The following ITPR3 variants were observed in gnomAD, a reference collection of about 807,000 sequenced individuals.
ITPR3 encodes the protein inositol 1,4,5-trisphosphate-gated calcium channel ITPR3.
A neutral mutation model predicts 293.2 loss-of-function variants in ITPR3; 173 were observed. The ratio of observed to expected loss-of-function variants is 0.59; its 90% CI spans 0.52 to 0.67. The LOEUF (loss-of-function observed/expected upper bound fraction) is 0.67, where lower values mean the gene tolerates loss of function less well. Among genes scored for constraint, ITPR3 ranks in the 30% least tolerant of loss-of-function variants. ITPR3 has a pLI of 0.00. For missense variants in ITPR3, 2,796 were observed against 3,592.1 expected (o/e 0.78, Z 5.66); for synonymous variants, 1,295 against 1,444.4 (o/e 0.90, Z 2.35).
intron 21 of ITPR3, among the ~76,000 whole-genome samples, chr6:33,671,651 A>T (rs926717802): frequency 6.6e-6 from 1 of 152,146 alleles, no homozygotes; most frequent in Admixed American, 6.5e-5. Flanking sequence ...GCCCTCCCAG[A>T]CACTCCCAGG....
At position 33,672,649 on chromosome 6, in the gene ITPR3, C is replaced by T. The variant is rs2127287684; in HGVS notation, c.2928+421C>T. On this transcript the variant is annotated intron_variant, in intron 22 of 57. Transcript: ENST00000605930. This position sits in a 1 kb window ranked among gnomAD's most constrained non-coding sequence, Gnocchi z 5.0. ...CTGAGTCAGGAACACTGGAGAGGGG[C>T]CCTGTGGGCTGTGTTGTGACAAACC... 6.6e-6 allele frequency among the ~76,000 whole-genome samples: 1 copy of T among 152,238 alleles called. No individual in the cohort carries two copies. The highest frequency in any genetic ancestry group is 1.9e-4 in the East Asian group (1 of 5,182).
rs113992742 is a variant in ITPR3, at chr6:33,695,977, G to A, written c.*197G>A. The A allele has an allele frequency of 1.2e-5, 7 of 587,716 alleles. No homozygotes were observed. Among genetic ancestry groups the A allele is most frequent in the African/African-American group, 1.1e-4 (6 of 53,832 alleles). 36.4% of individuals were successfully genotyped at this position (587,716 alleles called of 1,614,324 possible). On this transcript the variant is annotated 3_prime_UTR_variant, in exon 58 of 58. Coordinates refer to ENST00000605930, the MANE Select transcript of ITPR3 (RefSeq NM_002224.4). ...CTCAGAGCTGACAGTCCTGCTTAGA[G>A]CCCTTAAAAAGACTTGAAAGTTCAC...
intron 56 of ITPR3, 24 bp downstream of exon 56, chr6:33,693,729 C>G (rs766285564): frequency 6.2e-7 from 1 of 1,611,024 alleles, no homozygotes; most frequent in Admixed American, 1.7e-5. Context: ...CTGTGCCAGG[C>G]CTGTGGGCCC....
intron 41 of ITPR3, 38 bp from the exon 42 acceptor site, chr6:33,686,010 CGTGCT>C: frequency 6.2e-7 from 1 of 1,603,466 alleles, no homozygotes; most frequent in South Asian, 1.1e-5. Flanking sequence ...CCTCCCTCTC[CGTGCT>C]GTAGCTGTGC....
intron 1 of ITPR3, among the ~76,000 whole-genome samples, chr6:33,636,114 C>A (rs1763815747): frequency 8.7e-6 from 1 of 115,290 alleles, no homozygotes; most frequent in Non-Finnish European, 1.7e-5. Context: ...TGGTGAAACG[C>A]TGTCTCTACA....
chr6:33,659,212 C>T (rs559133317), intron 6 of ITPR3, 93 bp downstream of exon 6: 2 of 1,237,080 alleles, frequency 1.6e-6, no homozygotes, highest in East Asian at 2.4e-5. Context: ...TCTCTGCCTC[C>T]AGCCCCATCT....
In ITPR3 at chr6:33,684,141, G is replaced by A. The variant is rs745884257; in HGVS notation, c.4910G>A (p.Arg1637His). The change falls in exon 36 of 58, where the codon CGC becomes CAC. Residue 1637 changes from arginine to histidine, a missense_variant. This residue lies in a region of ITPR3 where 704 missense variants were observed against 797.5 expected (regional missense o/e 0.88). Coordinates refer to ENST00000605930, the MANE Select transcript of ITPR3 (RefSeq NM_002224.4). The surrounding 1 kb of genome is among the most constrained non-coding windows in gnomAD (Gnocchi z 4.2). Reference sequence around the variant, plus strand: ...CTGGAGGGCAGTGAGGCCTACCAGCGCTGCGAGAGTGGGGGCTTCCTGTCC... The same window carrying A: ...CTGGAGGGCAGTGAGGCCTACCAGCACTGCGAGAGTGGGGGCTTCCTGTCC... The part of the protein sequence containing the change: ...LFLEGSEAYQ[R>H]CESGGFLSKL... 4.3e-6 allele frequency: 7 copies of A among 1,610,922 alleles called. No homozygotes were observed. Among genetic ancestry groups the A allele is most frequent in the African/African-American group, 2.7e-5 (2 of 74,808 alleles).
At chr6:33,694,697 AC>A in intron 56 of ITPR3, 4 of 553,204 alleles carry the variant, frequency 7.2e-6, no homozygotes, top group Admixed American at 6.6e-5. Flanking sequence ...ACGCTGCCTA[AC>A]GGAAGTCAGC....
chr6:33,688,481 T>C (rs2127315130), intron 48 of ITPR3, 50 bp downstream of exon 48: 1 of 1,505,138 alleles, frequency 6.6e-7, no homozygotes, highest in East Asian at 2.4e-5. Flanking sequence ...TGTTCACTGA[T>C]GCCCTGTTAT....
At position 33,675,780 on chromosome 6, in the gene ITPR3, C is replaced by T. The variant is rs1425382314; in HGVS notation, c.3206C>T (p.Pro1069Leu). ...CACCTCACCATGCACGACTATGCGCCGCTGGTCTCGGGTGCCCTGCAGCTG... is the reference window on the plus strand; with the variant it reads ...CACCTCACCATGCACGACTATGCGCTGCTGGTCTCGGGTGCCCTGCAGCTG... ...LIHLTMHDYA[P>L]LVSGALQLLF... The change falls in exon 25 of 58, where the codon CCG becomes CTG. Residue 1069 changes from proline to leucine, a missense_variant. This residue lies in a region of ITPR3 where 955 missense variants were observed against 1,180.8 expected (regional missense o/e 0.81). Transcript: ENST00000605930. The surrounding 1 kb of genome is among the most constrained non-coding windows in gnomAD (Gnocchi z 5.0). 1.2e-6 allele frequency: 2 copies of T among 1,611,462 alleles called. No homozygotes were observed. The highest frequency in any genetic ancestry group is 8.5e-7 in the Non-Finnish European group (1 of 1,179,184).
rs1405651869 is a variant in ITPR3 at position 33,685,674 on chromosome 6, C to G, written c.5514C>G (p.Ser1838=). 3 of 1,595,136 alleles carry G rather than the reference C, an allele frequency of 1.9e-6. No individual in the cohort carries two copies. Among genetic ancestry groups the G allele is most frequent in the Admixed American group, 3.4e-5 (2 of 58,684 alleles). Reference sequence around the variant, plus strand: ...TGGCCTCCTTCTCGATACCTGGCTCCTCATCCCGCTACTCGCTGGGCCCCA... The same window carrying G: ...TGGCCTCCTTCTCGATACCTGGCTCGTCATCCCGCTACTCGCTGGGCCCCA... ...GRVASFSIPG[S]SSRYSLGPSL... Residue 1838 remains serine, a synonymous_variant, in exon 41 of 58, where the codon TCC becomes TCG. Transcript: ENST00000605930.
In ITPR3 at chr6:33,638,310, G is replaced by T. The variant is rs1005859582; in HGVS notation, c.90-2174G>T. On this transcript the variant is annotated intron_variant, in intron 1 of 57. Transcript: ENST00000605930. This position sits in a 1 kb window ranked among gnomAD's most constrained non-coding sequence, Gnocchi z 4.3. ...TGAGCCACCGCGTCCATCCACATAG[G>T]CATGATTGATTAAACCATTGGCCAT... Among the ~76,000 whole-genome samples the T allele has an allele frequency of 6.6e-6, 1 of 152,150 alleles. No individual in the cohort carries two copies. The highest frequency in any genetic ancestry group is 2.4e-5 in the African/African-American group (1 of 41,430).
intron 2 of ITPR3, among the ~76,000 whole-genome samples, chr6:33,641,678 GC>G (rs763890710): frequency 6.6e-6 from 1 of 151,560 alleles, no homozygotes; most frequent in Non-Finnish European, 1.5e-5. Context: ...TCTCCCCCTT[GC>G]CCCCTCCCAC....
chr6:33,668,371 C>G, intron 16 of ITPR3, 144 bp from the exon 17 acceptor site: 2 of 1,112,022 alleles, frequency 1.8e-6, no homozygotes, highest in Non-Finnish European at 2.5e-6. Context: ...AGCTGGGAGT[C>G]CATCCCACCC....
Position 33,692,679 on chromosome 6 carries a change from G to C in ITPR3, c.7459-49G>C. 2 of 1,592,452 alleles carry C rather than the reference G, an allele frequency of 1.3e-6. No individual in the cohort carries two copies. Among genetic ancestry groups the C allele is most frequent in the Non-Finnish European group, 1.7e-6 (2 of 1,164,330 alleles). ...CCAACCTGAGTCCTATCTTGCCCCA[G>C]TGAATGTGGGGACCACCGGGCCCAG... is the stretch of plus-strand genomic sequence containing the variant. On this transcript the variant is annotated intron_variant, in intron 54 of 57. Transcript: ENST00000605930. This position sits in a 1 kb window ranked among gnomAD's most constrained non-coding sequence, Gnocchi z 4.2.
chr6:33,644,767 G>T (rs919615059), intron 2 of ITPR3, among the ~76,000 whole-genome samples: 1 of 149,592 alleles, frequency 6.7e-6, no homozygotes, highest in Non-Finnish European at 1.5e-5. Flanking sequence ...GGGTTCAAGT[G>T]TTTCTCCCAC....
chr6:33,669,170 G>C lies in ITPR3; in HGVS notation c.2189+14G>C. 6.2e-7 allele frequency: 1 copy of C among 1,610,068 alleles called. No individual in the cohort carries two copies. Among genetic ancestry groups the C allele is most frequent in the Non-Finnish European group, 8.5e-7 (1 of 1,178,140 alleles). On this transcript the variant is annotated intron_variant, in intron 18 of 57. Coordinates refer to ENST00000605930, the MANE Select transcript of ITPR3 (RefSeq NM_002224.4). ...CAGCTACTACAGGTGCCCCGCCCCA[G>C]CTCCTCCCCTCCCTCTTCCTGTGCC...
chr6:33,685,089 A>G (rs1356032454), intron 39 of ITPR3, 146 bp downstream of exon 39: 2 of 996,672 alleles, frequency 2.0e-6, no homozygotes, highest in East Asian at 2.6e-5. Flanking sequence ...AAGAGTGGGC[A>G]TGATGGGGGC....
intron 1 of ITPR3, among the ~76,000 whole-genome samples, chr6:33,622,566 C>A (rs1181086461): frequency 6.6e-6 from 1 of 152,164 alleles, no homozygotes; most frequent in Non-Finnish European, 1.5e-5. Context: ...ATCTTTGTCC[C>A]GTTTACAGTC....
Sources: allele counts gnomAD v4.1 joint callset (sites outside exome capture counted in the v4.1 genomes callset), GRCh38; gene constraint gnomAD v4.1.1; regional missense constraint gnomAD v4.1.1; non-coding constraint Gnocchi (gnomAD v3.1); transcripts MANE v1.5; gene names NCBI Gene and HGNC (gene_info 2026-07-23, HGNC 2026-07-21).